Variants in FAM120AOS observed in about 807,000 individuals in gnomAD.
The protein encoded by FAM120AOS is family with sequence similarity 120 member A opposite strand.
In FAM120AOS, 15 loss-of-function variants were observed where a neutral mutation model predicts 20.2. The observed-to-expected ratio is 0.74, with a 90% CI of 0.50 to 1.15. The LOEUF is 1.15. FAM120AOS is among the 50% of genes most tolerant of loss of function. FAM120AOS has a pLI of 0.00. For missense variants in FAM120AOS, 327 were observed against 351.9 expected (o/e 0.93, Z 0.57); for synonymous variants, 154 against 154.0 (o/e 1.00, Z 0.00).
rs1857304211 is a variant in FAM120AOS, at chr9:93,452,579, C to G, written c.131G>C (p.Trp44Ser). The G allele has an allele frequency of 5.0e-6, 8 of 1,595,904 alleles. No homozygotes were observed. The highest frequency in any genetic ancestry group is 5.9e-6 in the Non-Finnish European group (7 of 1,178,228). ...CCGCGGGTGCAGGCCGCGCGCTGCC[C>G]AAGCCCGTCTCCAGCTGTCCCTGTT... ...TPNRDSWRRAWAARGLHPRPS... is the reference protein window; with the variant it reads ...TPNRDSWRRASAARGLHPRPS... The change falls in exon 1 of 3, where the codon TGG (tryptophan) becomes TCG (serine). Residue 44 changes from tryptophan to serine, a missense_variant. Coordinates refer to ENST00000375412, the MANE Select transcript of FAM120AOS (RefSeq NM_198841.4). This position sits in a 1 kb window ranked among gnomAD's most constrained non-coding sequence, Gnocchi z 7.0.
Position 93,453,105 on chromosome 9 carries a change from C to T in FAM120AOS, c.-396G>A. The stretch of plus-strand genomic sequence containing the variant: ...GACTTCACGTCCGTGTGAAAGAGGT[C>T]TTTAAGGCAGTTCGGTTTTGTAGAT... On this transcript the variant is annotated 5_prime_UTR_variant, in exon 1 of 3. Transcript: ENST00000375412. The T allele has an allele frequency of 6.8e-6, 7 of 1,028,648 alleles. No individual in the cohort carries two copies. The highest frequency in any genetic ancestry group is 8.2e-6 in the Non-Finnish European group (7 of 858,220). The allele number at this position is 1,028,648 out of a possible 1,614,324, so 63.7% of individuals were successfully genotyped here.
At chr9:93,453,601 C>T (rs917533744), upstream of FAM120AOS, 11 of 985,266 alleles carry the variant, frequency 1.1e-5, no homozygotes, top group Non-Finnish European at 1.2e-5. Flanking sequence ...GCGGAAGTCC[C>T]ACCCACGATC....
rs1444002786 is a variant in FAM120AOS at position 93,451,469 on chromosome 9, G to T, written c.563+678C>A. 1.1e-5 allele frequency: 12 copies of T among 1,115,622 alleles called. No homozygotes were observed. In the East Asian group the frequency reaches 6.5e-4, roughly 61 times the overall value. The allele number at this position is 1,115,622 out of a possible 1,614,324, so 69.1% of individuals were successfully genotyped here. On this transcript the variant is annotated intron_variant, in intron 1 of 2. Transcript: ENST00000375412. ...GGCGAACGGCCTCTGGCCTCCAGGC[G>T]CTGCCTGCTCCGGCTCAGAAGCCTC...
At position 93,445,363 on chromosome 9, in the gene FAM120AOS, G is replaced by T. The variant is rs1856812014; in HGVS notation, c.*2248C>A. Reference sequence around the variant, plus strand: ...CCTGTTTCCCCATATTAAAGTCAAAGGAACTATACTGTTTTCACTGCCAGG... The same window carrying T: ...CCTGTTTCCCCATATTAAAGTCAAATGAACTATACTGTTTTCACTGCCAGG... On this transcript the variant is annotated 3_prime_UTR_variant, in exon 3 of 3. Transcript: ENST00000375412. 6.6e-6 allele frequency among the ~76,000 whole-genome samples: 1 copy of T among 152,072 alleles called. No individual in the cohort carries two copies. Among genetic ancestry groups the T allele is most frequent in the African/African-American group, 2.4e-5 (1 of 41,402 alleles).
In FAM120AOS at chr9:93,443,682, G is replaced by C. The variant is rs1382792854; in HGVS notation, c.*3929C>G. Among the ~76,000 whole-genome samples, 1 of 152,210 alleles carries C rather than the reference G, an allele frequency of 6.6e-6. No homozygotes were observed. Among genetic ancestry groups the C allele is most frequent in the Admixed American group, 6.5e-5 (1 of 15,278 alleles). On this transcript the variant is annotated 3_prime_UTR_variant, in exon 3 of 3. Coordinates refer to ENST00000375412, the MANE Select transcript of FAM120AOS (RefSeq NM_198841.4). The stretch of plus-strand genomic sequence containing the variant: ...CCGAGTGTCAGTTCAGAGTGTGGCT[G>C]TGTTGCCTGGGCTCTGTCTCTTGTA...
rs1564299697 is a variant in FAM120AOS, at chr9:93,452,798, G to T, written c.-89C>A. On this transcript the variant is annotated 5_prime_UTR_variant, in exon 1 of 3. Transcript: ENST00000375412. This position sits in a 1 kb window ranked among gnomAD's most constrained non-coding sequence, Gnocchi z 7.0. ...TTAGCCTGTTCTTTCCCAGCAACAG[G>T]TTCATCTTGGAAGCAGGCAGGATAC... 6.3e-7 allele frequency: 1 copy of T among 1,589,066 alleles called. No homozygotes were observed. The highest frequency in any genetic ancestry group is 1.7e-5 in the Admixed American group (1 of 57,818).
intron 1 of FAM120AOS, chr9:93,450,823 A>T: frequency 2.2e-6 from 2 of 910,242 alleles, no homozygotes; most frequent in Non-Finnish European, 3.5e-6. Context: ...AGAAGATGCT[A>T]CTAAAGCAAC....
chr9:93,450,927 TC>T (rs1295055210), intron 1 of FAM120AOS: 1 of 1,242,926 alleles, frequency 8.0e-7, no homozygotes, highest in Non-Finnish European at 1.2e-6. Context: ...ACGCAGGCTT[TC>T]CCACGCTGCA....
intron 1 of FAM120AOS, chr9:93,451,717 G>A (rs2131157463): frequency 1.0e-6 from 1 of 984,884 alleles, no homozygotes; most frequent in Non-Finnish European, 1.2e-6. Context: ...CGGCGGCGGC[G>A]GCAGGTCCCT....
intron 2 of FAM120AOS, chr9:93,448,312 G>A (rs942089405): frequency 1.3e-5 from 2 of 154,560 alleles, no homozygotes; most frequent in African/African-American, 2.4e-5. Context: ...TGGCCAACAT[G>A]GTGAAACCCC....
Position 93,452,468 on chromosome 9 carries a change from G to A in FAM120AOS, c.242C>T (p.Ala81Val), listed in dbSNP as rs754331377. 1 of 1,546,122 alleles carries A rather than the reference G, an allele frequency of 6.5e-7. No homozygotes were observed. Among genetic ancestry groups the A allele is most frequent in the South Asian group, 1.2e-5 (1 of 85,850 alleles). ...CCCCCTTCCCAGGGCGCAGAATGTC[G>A]CCCGGCCGTGGCGGCGCTGGGGGCA... ...TRCPQRRHGR[A>V]TFCALGRGIG... The change falls in exon 1 of 3, where the codon GCG becomes GTG. Residue 81 changes from alanine to valine, a missense_variant. Around this residue, in one of 3 missense-constraint regions of FAM120AOS, gnomAD observed 155 missense variants for 128.8 expected, o/e 1.20. Transcript: ENST00000375412. This position sits in a 1 kb window ranked among gnomAD's most constrained non-coding sequence, Gnocchi z 7.0.
At chr9:93,449,905 A>G (rs1414637616) in intron 2 of FAM120AOS, among the ~76,000 whole-genome samples, 1 of 152,250 alleles carries the variant, frequency 6.6e-6, no homozygotes, top group Non-Finnish European at 1.5e-5. Context: ...CACCTTGTGA[A>G]CCTGCCTTGG....
intron 2 of FAM120AOS, chr9:93,448,420 G>C (rs1007742395): frequency 5.0e-6 from 1 of 199,178 alleles, no homozygotes; most frequent in Non-Finnish European, 1.1e-5. Flanking sequence ...TTGAACCTGG[G>C]AGAGGGAGGT....
At chr9:93,451,705 A>AGCGGCG in intron 1 of FAM120AOS, 1 of 970,582 alleles carries the variant, frequency 1.0e-6, no homozygotes, top group Non-Finnish European at 1.2e-6. Flanking sequence ...CAGCGGCGGC[A>AGCGGCG]GCGGCGGCGG....
At chr9:93,451,661 C>T in intron 1 of FAM120AOS, 1 of 982,204 alleles carries the variant, frequency 1.0e-6, no homozygotes, top group Non-Finnish European at 1.2e-6. Context: ...CCGCCCCGCC[C>T]CGGCCCTCAG....
Position 93,450,513 on chromosome 9 carries a change from A to C in FAM120AOS, c.650T>G (p.Leu217Trp), listed in dbSNP as rs1289608857. The part of the protein sequence containing the change: ...PSTWSLHAHG[L>W]AKEAPILPVK... ...CGGGAGTATGGGGGCTTCTTTGGCCAAACCGTGCGCGTGCAGGCTCCATGT... is the reference window on the plus strand; with the variant it reads ...CGGGAGTATGGGGGCTTCTTTGGCCCAACCGTGCGCGTGCAGGCTCCATGT... The change falls in exon 2 of 3, where the codon TTG (leucine) becomes TGG (tryptophan). Residue 217 changes from leucine (L) to tryptophan (W), a missense_variant. Leu to Trp is a moderately conservative substitution (Grantham distance 61). Coordinates refer to ENST00000375412, the MANE Select transcript of FAM120AOS (RefSeq NM_198841.4). 3.1e-6 allele frequency: 5 copies of C among 1,594,850 alleles called. No homozygotes were observed. Among genetic ancestry groups the C allele is most frequent in the African/African-American group, 1.4e-5 (1 of 73,654 alleles).
chr9:93,447,886 G>A (rs1715503778), intron 2 of FAM120AOS, among the ~76,000 whole-genome samples, 189 bp from the exon 3 acceptor site: 1 of 152,332 alleles, frequency 6.6e-6, no homozygotes, highest in East Asian at 1.9e-4. Flanking sequence ...ATACACGGCT[G>A]CAGTGTGGTC....
At position 93,447,639 on chromosome 9, in the gene FAM120AOS, G is replaced by GT; in HGVS notation, c.742dup (p.Thr248AsnfsTer13). 6.2e-7 allele frequency: 1 copy of GT among 1,613,764 alleles called. No individual in the cohort carries two copies. Among genetic ancestry groups the GT allele is most frequent in the Non-Finnish European group, 8.5e-7 (1 of 1,179,894 alleles). On this transcript the variant is annotated frameshift_variant, in exon 3 of 3. Coordinates refer to ENST00000375412, the MANE Select transcript of FAM120AOS (RefSeq NM_198841.4). LOFTEE classifies it high-confidence loss of function. The stretch of plus-strand genomic sequence containing the variant: ...AATTGGACTCAAGAATGATCTTAGT[G>GT]TTGGTGGTTTTGTGGTTTTCTTTGA...
At position 93,445,596 on chromosome 9, in the gene FAM120AOS, T is replaced by G. The variant is rs544986481; in HGVS notation, c.*2015A>C. Among the ~76,000 whole-genome samples, 2 of 142,412 alleles carry G rather than the reference T, an allele frequency of 1.4e-5. No homozygotes were observed. The highest frequency in any genetic ancestry group is 2.3e-4 in the South Asian group (1 of 4,438). The allele number at this position is 142,412 out of a possible 152,430, so 93.4% of individuals were successfully genotyped here. Reference sequence around the variant, plus strand: ...ATAAAAATCGTTGTTTTTTTTTTTTTTTTTTTTTTTTGAGACAAGGCCTCA... The same window carrying G: ...ATAAAAATCGTTGTTTTTTTTTTTTGTTTTTTTTTTTGAGACAAGGCCTCA... On this transcript the variant is annotated 3_prime_UTR_variant, in exon 3 of 3. Transcript: ENST00000375412.
Sources: allele counts gnomAD v4.1 joint callset (sites outside exome capture counted in the v4.1 genomes callset), GRCh38; gene constraint gnomAD v4.1.1; regional missense constraint gnomAD v4.1.1; non-coding constraint Gnocchi (gnomAD v3.1); transcripts MANE v1.5; gene names NCBI Gene and HGNC (gene_info 2026-07-23, HGNC 2026-07-21).